The following GLCE variants were observed in gnomAD, a reference collection of about 807,000 sequenced individuals.
GLCE encodes the protein D-glucuronyl C5-epimerase.
A neutral mutation model predicts 47.9 loss-of-function variants in GLCE; 19 were observed. The ratio of observed to expected loss-of-function variants is 0.40; its 90% CI spans 0.28 to 0.58. The LOEUF (loss-of-function observed/expected upper bound fraction) is 0.58. Among genes scored for constraint, GLCE ranks in the 20% least tolerant of loss-of-function variants. The pLI is 0.48. For missense variants in GLCE, 556 were observed against 743.3 expected (o/e 0.75, Z 2.93); for synonymous variants, 245 against 263.4 (o/e 0.93, Z 0.68).
chr15:69,267,415 A>C (rs952994948), intron 4 of GLCE, among the ~76,000 whole-genome samples: 3 of 152,166 alleles, frequency 2.0e-5, no homozygotes, highest in African/African-American at 7.2e-5. Context: ...CAAAAATTCA[A>C]ATCTGAGGTT....
chr15:69,211,229 T>G (rs2052229418), intron 2 of GLCE, among the ~76,000 whole-genome samples: 1 of 152,082 alleles, frequency 6.6e-6, no homozygotes, highest in Admixed American at 6.6e-5. Flanking sequence ...GCCTTCATTT[T>G]GCTTAGATTT....
intron 1 of GLCE, among the ~76,000 whole-genome samples, chr15:69,179,378 G>A (rs186833106): frequency 6.6e-6 from 1 of 152,202 alleles, no homozygotes; most frequent in East Asian, 1.9e-4. Context: ...AAACCCTGCT[G>A]GTAACATCTT....
At chr15:69,166,524 G>A (rs1351551481) in intron 1 of GLCE, among the ~76,000 whole-genome samples, 4 of 152,210 alleles carry the variant, frequency 2.6e-5, no homozygotes, top group Non-Finnish European at 5.9e-5. Context: ...ATATGAGGAA[G>A]CACACATGCA....
intron 1 of GLCE, among the ~76,000 whole-genome samples, chr15:69,209,867 A>G (rs1194807416): frequency 6.6e-6 from 1 of 152,096 alleles, no homozygotes; most frequent in Non-Finnish European, 1.5e-5. Context: ...CTGTGATCAG[A>G]GAGGTAGATT....
At chr15:69,174,850 A>AT in intron 1 of GLCE, among the ~76,000 whole-genome samples, 2 of 152,034 alleles carry the variant, frequency 1.3e-5, no homozygotes, top group African/African-American at 2.4e-5. Context: ...ACCCTGATCC[A>AT]TTTTTTTAAA....
At chr15:69,246,009 G>A (rs1484256004) in intron 2 of GLCE, among the ~76,000 whole-genome samples, 3 of 152,168 alleles carry the variant, frequency 2.0e-5, no homozygotes, top group East Asian at 1.9e-4. Context: ...GTTTACAGGC[G>A]TGAGCCACCG....
At chr15:69,219,269 C>T (rs2052348721) in intron 2 of GLCE, among the ~76,000 whole-genome samples, 1 of 151,878 alleles carries the variant, frequency 6.6e-6, no homozygotes, top group Non-Finnish European at 1.5e-5. Context: ...TAACATGTTT[C>T]AAGGATAATG....
Position 69,268,660 on chromosome 15 carries a change from A to T in GLCE, c.1270A>T (p.Ile424Phe). Residue 424 changes from isoleucine to phenylalanine, a missense_variant, in exon 5 of 5, where the codon ATT (isoleucine) becomes TTT (phenylalanine). Ile to Phe is a conservative substitution (Grantham distance 21). Transcript: ENST00000261858. Reference protein sequence around the residue: ...RNQDEKGGWPIMVTRKLGEGF... With the variant: ...RNQDEKGGWPFMVTRKLGEGF... ...CCAGGATGAGAAAGGTGGCTGGCCA[A>T]TTATGGTGACCCGTAAGTTAGGGGA... The T allele has an allele frequency of 6.2e-7, 1 of 1,614,190 alleles. No individual in the cohort carries two copies. Among genetic ancestry groups the T allele is most frequent in the South Asian group, 1.1e-5 (1 of 91,086 alleles).
chr15:69,205,013 T>A (rs2052130659), intron 1 of GLCE, among the ~76,000 whole-genome samples: 1 of 152,152 alleles, frequency 6.6e-6, no homozygotes, highest in Admixed American at 6.5e-5. Flanking sequence ...TTTATTTTTT[T>A]AAATGAACAT....
intron 1 of GLCE, among the ~76,000 whole-genome samples, chr15:69,193,833 C>CCAGACTAAGATCA (rs1368161951): frequency 6.6e-6 from 1 of 152,038 alleles, no homozygotes; most frequent in Non-Finnish European, 1.5e-5. Flanking sequence ...ACTTTTATTA[C>CCAGACTAAGATCA]CTAGGGCATT....
chr15:69,242,988 T>G (rs1306245094), intron 2 of GLCE, among the ~76,000 whole-genome samples: 1 of 148,306 alleles, frequency 6.7e-6, no homozygotes, highest in Non-Finnish European at 1.5e-5. Context: ...GCCCGAGAGA[T>G]TGCAGCTACA....
At chr15:69,266,021 AGTTAAGAGAGAGAGTACAT>A (rs943058077) in intron 4 of GLCE, among the ~76,000 whole-genome samples, 1 of 152,222 alleles carries the variant, frequency 6.6e-6, no homozygotes, top group African/African-American at 2.4e-5. Flanking sequence ...GAAAAATGCT[AGTTAAGAGAGAGAGTACAT>A]GTTGACATTT....
chr15:69,197,140 C>A, intron 1 of GLCE: 1 of 383,654 alleles, frequency 2.6e-6, no homozygotes, highest in South Asian at 2.1e-5. Flanking sequence ...AGGGCCCAGT[C>A]CTTCGGCACA....
At chr15:69,217,929 G>T (rs1341466954) in intron 2 of GLCE, among the ~76,000 whole-genome samples, 3 of 151,918 alleles carry the variant, frequency 2.0e-5, no homozygotes, top group African/African-American at 4.8e-5. Flanking sequence ...GCTGAGGCGG[G>T]CAGATCACAA....
intron 1 of GLCE, among the ~76,000 whole-genome samples, chr15:69,186,869 C>T (rs2051831837): frequency 1.3e-5 from 2 of 152,102 alleles, no homozygotes; most frequent in Admixed American, 1.3e-4. Context: ...TTCTCATATA[C>T]ACTTTTTTTT....
At chr15:69,228,365 G>A (rs149017772) in intron 2 of GLCE, among the ~76,000 whole-genome samples, 58 of 152,300 alleles carry the variant, frequency 3.8e-4, no homozygotes, top group African/African-American at 1.3e-3. Flanking sequence ...TACATAAAGT[G>A]TTTTAAGGTC....
At chr15:69,195,632 G>A (rs1428314771) in intron 1 of GLCE, among the ~76,000 whole-genome samples, 1 of 152,018 alleles carries the variant, frequency 6.6e-6, no homozygotes, top group Non-Finnish European at 1.5e-5. Context: ...GACAATTCTG[G>A]ATGTTTTCTC....
At chr15:69,170,625 A>G (rs2051575325) in intron 1 of GLCE, among the ~76,000 whole-genome samples, 1 of 152,202 alleles carries the variant, frequency 6.6e-6, no homozygotes, top group Non-Finnish European at 1.5e-5. Context: ...AATTATGGAA[A>G]CCATTCATTA....
At chr15:69,162,246 A>G (rs2051435595) in intron 1 of GLCE, among the ~76,000 whole-genome samples, 1 of 152,184 alleles carries the variant, frequency 6.6e-6, no homozygotes, top group South Asian at 2.1e-4. Flanking sequence ...TGGATATTAC[A>G]GAGGTTTTGG....
Sources: allele counts gnomAD v4.1 joint callset (sites outside exome capture counted in the v4.1 genomes callset), GRCh38; gene constraint gnomAD v4.1.1; transcripts MANE v1.5; gene names NCBI Gene and HGNC (gene_info 2026-07-23, HGNC 2026-07-21).